Variants in MED13L observed in about 807,000 individuals in gnomAD.
MED13L encodes the protein mediator complex subunit 13L.
MED13L carries 7 observed loss-of-function variants against 220.9 expected under a neutral mutation model. That is an observed-to-expected ratio of 0.03 (90% CI 0.02 to 0.06). MED13L has a LOEUF of 0.06. MED13L is among the 10% of genes least tolerant of loss of function. The probability of loss-of-function intolerance (pLI) is 1.00; values close to 1 mark genes in which losing one functional copy is unlikely to be tolerated. For synonymous variants in MED13L, 1,011 were observed against 1,015.2 expected (o/e 1.00, Z 0.08); for missense variants, 1,965 against 2,760.5 (o/e 0.71, Z 6.46).
At chr12:116,270,145 A>T (rs994999043) in intron 1 of MED13L, among the ~76,000 whole-genome samples, 10 of 145,482 alleles carry the variant, frequency 6.9e-5, no homozygotes, top group Non-Finnish European at 1.5e-5. Context: ...ACCACAGATA[A>T]TTTTTTTTTT....
chr12:116,066,918 C>T (rs1242979808), intron 4 of MED13L, among the ~76,000 whole-genome samples: 1 of 152,116 alleles, frequency 6.6e-6, no homozygotes, highest in Non-Finnish European at 1.5e-5. Flanking sequence ...AAATAACTGA[C>T]TCTATTAAGT....
At chr12:116,040,100 T>C (rs1226031640) in intron 4 of MED13L, among the ~76,000 whole-genome samples, 1 of 152,324 alleles carries the variant, frequency 6.6e-6, no homozygotes, top group East Asian at 1.9e-4. Context: ...CTCAGTGATA[T>C]GTCTCCCAAC....
chr12:116,041,661 G>A (rs557948656), intron 4 of MED13L, among the ~76,000 whole-genome samples: 14 of 152,284 alleles, frequency 9.2e-5, no homozygotes, highest in African/African-American at 1.9e-4. Context: ...TGGCTAACAC[G>A]GTGAAACCCC....
At chr12:116,092,197 A>C (rs1303355086) in intron 4 of MED13L, among the ~76,000 whole-genome samples, 2 of 152,230 alleles carry the variant, frequency 1.3e-5, no homozygotes, top group Non-Finnish European at 2.9e-5. Context: ...AACAGAAAAA[A>C]TCATAGATAG....
chr12:116,065,519 C>T (rs1237292628), intron 4 of MED13L, among the ~76,000 whole-genome samples: 2 of 152,072 alleles, frequency 1.3e-5, no homozygotes, highest in Non-Finnish European at 2.9e-5. Flanking sequence ...ATAAATTTCC[C>T]TCCAAGGCAA....
chr12:116,195,757 A>G (rs1166343744), intron 2 of MED13L, among the ~76,000 whole-genome samples: 1 of 152,102 alleles, frequency 6.6e-6, no homozygotes, highest in East Asian at 1.9e-4. Flanking sequence ...CTCTTTATAA[A>G]AGAGTAAAAT....
intron 2 of MED13L, among the ~76,000 whole-genome samples, chr12:116,123,146 AAC>A (rs1178925548): frequency 2.0e-5 from 3 of 152,220 alleles, no homozygotes; most frequent in South Asian, 2.1e-4. Flanking sequence ...GATTAAAATT[AAC>A]AGTTATCTCT....
At chr12:115,964,523 TTCTTTC>T (rs1241166701) in intron 29 of MED13L, among the ~76,000 whole-genome samples, 5 of 152,236 alleles carry the variant, frequency 3.3e-5, no homozygotes, top group African/African-American at 1.2e-4. Flanking sequence ...ATATAAATGC[TTCTTTC>T]TCTTTATTTT....
At chr12:116,181,773 G>A (rs897694971) in intron 2 of MED13L, among the ~76,000 whole-genome samples, 1 of 152,132 alleles carries the variant, frequency 6.6e-6, no homozygotes. Context: ...CCAAAGTCCT[G>A]GGATTACAGG....
chr12:116,152,438 TCTTCAA>T (rs1481353861), intron 2 of MED13L, among the ~76,000 whole-genome samples: 1 of 152,170 alleles, frequency 6.6e-6, no homozygotes, highest in African/African-American at 2.4e-5. Context: ...AGCTAAAGTT[TCTTCAA>T]CTTCAAGAAT....
intron 2 of MED13L, among the ~76,000 whole-genome samples, chr12:116,200,926 G>C (rs1881972866): frequency 6.6e-6 from 1 of 151,952 alleles, no homozygotes; most frequent in African/African-American, 2.4e-5. Flanking sequence ...TAAGCAAAAG[G>C]GCACATCTTC....
chr12:115,963,607 C>T, intron 29 of MED13L, 88 bp from the exon 30 acceptor site: 1 of 966,360 alleles, frequency 1.0e-6, no homozygotes, highest in Non-Finnish European at 1.6e-6. Context: ...GAAGCAGATG[C>T]TCCCAAAAGT....
intron 9 of MED13L, among the ~76,000 whole-genome samples, chr12:116,012,084 T>G (rs530585787): frequency 1.3e-5 from 2 of 152,310 alleles, no homozygotes; most frequent in East Asian, 3.9e-4. Context: ...GCAGGGCTAC[T>G]CAAAATAGCC....
intron 2 of MED13L, among the ~76,000 whole-genome samples, chr12:116,120,473 TCTCTCACACACACACACACA>T (rs1271984401): frequency 5.3e-4 from 54 of 101,468 alleles, no homozygotes; most frequent in African/African-American, 1.9e-3. Context: ...TCTCTCTCTC[TCTCTCACACACACACACACA>T]CACACACACA....
chr12:116,205,626 T>A, intron 2 of MED13L, among the ~76,000 whole-genome samples: 1 of 150,962 alleles, frequency 6.6e-6, no homozygotes, highest in East Asian at 1.9e-4. Context: ...GAAACTGAGC[T>A]ATCAGTCCAT....
At chr12:116,255,337 G>C (rs192958931) in intron 1 of MED13L, among the ~76,000 whole-genome samples, 1 of 152,298 alleles carries the variant, frequency 6.6e-6, no homozygotes, top group Non-Finnish European at 1.5e-5. Context: ...AACAAAACCA[G>C]AACTTCAATC....
At chr12:116,009,183 C>G in intron 9 of MED13L, 51 bp from the exon 10 acceptor site, 1 of 1,605,672 alleles carries the variant, frequency 6.2e-7, no homozygotes, top group Non-Finnish European at 8.5e-7. Flanking sequence ...AAAAGAGATT[C>G]TCTGACAAAA....
At chr12:116,045,223 A>C (rs905743070) in intron 4 of MED13L, among the ~76,000 whole-genome samples, 1 of 152,148 alleles carries the variant, frequency 6.6e-6, no homozygotes, top group African/African-American at 2.4e-5. Context: ...AAATGCCTAA[A>C]ATCCTTTTGA....
At chr12:116,022,745 A>T in intron 4 of MED13L, 144 bp from the exon 5 acceptor site, 1 of 864,054 alleles carries the variant, frequency 1.2e-6, no homozygotes, top group Admixed American at 2.1e-5. Flanking sequence ...AGAAACTTCT[A>T]ATTCAGTATT....
Sources: allele counts gnomAD v4.1 joint callset (sites outside exome capture counted in the v4.1 genomes callset), GRCh38; gene constraint gnomAD v4.1.1; transcripts MANE v1.5; gene names NCBI Gene and HGNC (gene_info 2026-07-23, HGNC 2026-07-21).